Variants in KCND2 observed in about 807,000 individuals in gnomAD.
KCND2 encodes A-type voltage-gated potassium channel KCND2.
KCND2 carries 16 observed loss-of-function variants against 54.4 expected under a neutral mutation model. The ratio of observed to expected loss-of-function variants is 0.29; its 90% confidence interval spans 0.20 to 0.45. The LOEUF (loss-of-function observed/expected upper bound fraction) is 0.45, where lower values mean the gene tolerates loss of function less well. Ranked by LOEUF, KCND2 falls within the 20% of genes least tolerant of loss-of-function variation. The probability of loss-of-function intolerance (pLI) is 1.00; values close to 1 mark genes in which losing one functional copy is unlikely to be tolerated. For synonymous variants in KCND2, 317 were observed against 310.7 expected, an observed-to-expected ratio of 1.02 and a Z score of -0.21; for missense variants, 486 against 824.2, an observed-to-expected ratio of 0.59 and a Z score of 5.02.
intron 1 of KCND2, among the ~76,000 whole-genome samples, chr7:120,548,847 T>G (rs1792073490): frequency 6.6e-6 from 1 of 152,072 alleles, no homozygotes. Context: ...TAAAAAGGGA[T>G]GGACCAGAGA....
At chr7:120,489,095 T>C (rs941804061) in intron 1 of KCND2, among the ~76,000 whole-genome samples, 37 of 152,110 alleles carry the variant, frequency 2.4e-4, no homozygotes, top group African/African-American at 8.9e-4. Flanking sequence ...ATGTTAAACA[T>C]GGGCCAAAAT....
intron 1 of KCND2, among the ~76,000 whole-genome samples, chr7:120,406,608 G>A (rs1032581663): frequency 2.0e-5 from 3 of 151,984 alleles, no homozygotes; most frequent in African/African-American, 7.2e-5. Flanking sequence ...AAAATTAATG[G>A]TGTAGGCAAT....
At chr7:120,317,325 A>G (rs1191083858) in intron 1 of KCND2, among the ~76,000 whole-genome samples, 3 of 152,210 alleles carry the variant, frequency 2.0e-5, no homozygotes, top group Admixed American at 6.5e-5. Flanking sequence ...TTAATTGTAA[A>G]TTAGGTAATT....
At chr7:120,517,505 T>C (rs1349859545) in intron 1 of KCND2, among the ~76,000 whole-genome samples, 1 of 152,092 alleles carries the variant, frequency 6.6e-6, no homozygotes, top group Non-Finnish European at 1.5e-5. Flanking sequence ...AAGTATAGGA[T>C]TTAGGTTAAA....
chr7:120,610,264 A>G (rs1332763684), intron 1 of KCND2, among the ~76,000 whole-genome samples: 1 of 152,188 alleles, frequency 6.6e-6, no homozygotes, highest in Non-Finnish European at 1.5e-5. Context: ...CCTGAGGATT[A>G]CAGAACCATG....
In KCND2 at chr7:120,412,281, GA is replaced by G. The variant is rs371273842; in HGVS notation, c.1115+136538del. ...TAAGCTTCACACAGGTTCCTCTCTTGAAAATTCAGAATGGTTGTCTTATGAT... is the reference window on the plus strand; with the variant it reads ...TAAGCTTCACACAGGTTCCTCTCTTGAAATTCAGAATGGTTGTCTTATGAT... On this transcript the variant is annotated intron_variant, in intron 1 of 5. Coordinates refer to ENST00000331113, the MANE Select transcript of KCND2 (RefSeq NM_012281.3). Among the ~76,000 whole-genome samples the G allele has an allele frequency of 5.9e-5, 9 of 152,084 alleles. No individual in the cohort carries two copies. The East Asian group carries it at 1.7e-3, about 29-fold the overall frequency.
At chr7:120,599,663 G>T (rs10239065) in intron 1 of KCND2, among the ~76,000 whole-genome samples, 17,946 of 151,854 alleles carry the variant, frequency 0.12, 1,731 homozygotes, top group African/African-American at 0.28. Context: ...AATTTTCATT[G>T]TGCTACCTTG....
rs144425482 is a variant in KCND2, at chr7:120,470,223, T to A, written c.1115+194476T>A. 4.6e-3 allele frequency among the ~76,000 whole-genome samples: 700 copies of A among 152,200 alleles called. 6 individuals are homozygous for A. Among genetic ancestry groups the A allele is most frequent in the African/African-American group, 0.016 (655 of 41,532 alleles). ...AAAGTTCAAGGCTTGAATAGCACCT[T>A]TCACCCCTACCACTAGACGCTGTAA... On this transcript the variant is annotated intron_variant, in intron 1 of 5. Transcript: ENST00000331113.
At chr7:120,745,645 G>A (rs1792996527) in intron 4 of KCND2, 135 bp from the exon 5 acceptor site, 4 of 892,030 alleles carry the variant, frequency 4.5e-6, no homozygotes, top group African/African-American at 1.7e-5. Flanking sequence ...CAATCTTTAT[G>A]AAAATGGTTT....
chr7:120,408,754 A>G (rs73433843), intron 1 of KCND2, among the ~76,000 whole-genome samples: 5,884 of 151,910 alleles, frequency 0.039, 137 homozygotes, highest in African/African-American at 0.049. Flanking sequence ...GACGGACAGA[A>G]TCAGAGACAG....
At chr7:120,390,341 A>G (rs1801054877) in intron 1 of KCND2, among the ~76,000 whole-genome samples, 1 of 152,006 alleles carries the variant, frequency 6.6e-6, no homozygotes, top group Non-Finnish European at 1.5e-5. Flanking sequence ...ATTTGCAATG[A>G]CGATGAAGGT....
In KCND2 at chr7:120,512,616, G is replaced by T. The variant is rs189793615; in HGVS notation, c.1116-220287G>T. Among the ~76,000 whole-genome samples the T allele has an allele frequency of 9.1e-4, 139 of 152,028 alleles. No individual in the cohort carries two copies. The Middle Eastern group carries it at 0.01, about 11-fold the overall frequency. ...CATTATGAAGAGAAATATGTAGACG[G>T]GTTCATTTAGGTAATCCTTTCTGAA... On this transcript the variant is annotated intron_variant, in intron 1 of 5. Coordinates refer to ENST00000331113, the MANE Select transcript of KCND2 (RefSeq NM_012281.3).
At chr7:120,678,318 G>A (rs1385641346) in intron 1 of KCND2, among the ~76,000 whole-genome samples, 1 of 143,354 alleles carries the variant, frequency 7.0e-6, no homozygotes, top group Non-Finnish European at 1.5e-5. Flanking sequence ...AATCCATGGA[G>A]CTCTTCTACC....
intron 1 of KCND2, among the ~76,000 whole-genome samples, chr7:120,415,257 A>G (rs924192087): frequency 3.3e-5 from 5 of 152,166 alleles, no homozygotes; most frequent in African/African-American, 1.2e-4. Context: ...TCATTCTGAA[A>G]ATGACCTGGC....
At chr7:120,593,013 A>C (rs187836333) in intron 1 of KCND2, among the ~76,000 whole-genome samples, 1 of 152,336 alleles carries the variant, frequency 6.6e-6, no homozygotes, top group Admixed American at 6.5e-5. Context: ...AGAAATATCA[A>C]ACATTATAAG....
chr7:120,347,905 A>G (rs1800344301), intron 1 of KCND2, among the ~76,000 whole-genome samples: 2 of 152,176 alleles, frequency 1.3e-5, no homozygotes, highest in South Asian at 2.1e-4. Context: ...GGGTGCCAGC[A>G]TGGTGAGGGA....
chr7:120,688,751 A>C (rs1792234298), intron 1 of KCND2, among the ~76,000 whole-genome samples: 1 of 152,184 alleles, frequency 6.6e-6, no homozygotes, highest in African/African-American at 2.4e-5. Flanking sequence ...CTCTAAGAAA[A>C]AAAATGTTAA....
At chr7:120,737,360 T>C (rs780745815) in intron 2 of KCND2, among the ~76,000 whole-genome samples, 1 of 151,994 alleles carries the variant, frequency 6.6e-6, no homozygotes, top group Non-Finnish European at 1.5e-5. Flanking sequence ...AAAACAAAAT[T>C]ACCCAGCTCC....
At chr7:120,421,063 C>T (rs947830943) in intron 1 of KCND2, among the ~76,000 whole-genome samples, 6 of 152,092 alleles carry the variant, frequency 3.9e-5, no homozygotes, top group African/African-American at 4.8e-5. Context: ...GCATCAATAA[C>T]GGTAATGATT....
Sources: gnomAD v4.1 joint callset for allele counts (sites outside exome capture counted in the v4.1 genomes callset) on GRCh38, gnomAD v4.1.1 for gene constraint, MANE v1.5 for transcripts, NCBI Gene and HGNC (gene_info 2026-07-23, HGNC 2026-07-21) for gene names.